Variants in INSL6 observed in about 807,000 individuals in gnomAD.
The protein encoded by INSL6 is insulin-like peptide INSL6.
A neutral mutation model predicts 9.4 loss-of-function variants in INSL6; 16 were observed. The ratio of observed to expected loss-of-function variants is 1.70; its 90% CI spans 1.15 to 2.59. The LOEUF is 2.59. Among genes scored for constraint, INSL6 ranks in the 30% most tolerant of loss-of-function variants. The pLI is 0.00. For missense variants in INSL6, 391 were observed against 257.3 expected (o/e 1.52, Z -3.56); for synonymous variants, 154 against 96.9 (o/e 1.59, Z -3.46).
At chr9:5,079,841 G>T in the INSL6 span, among the ~76,000 whole-genome samples, 7 of 149,998 alleles carry the variant, frequency 4.7e-5, no homozygotes, top group African/African-American at 7.4e-5. Context: ...TTTTTTTTTT[G>T]AAGGTAAAAC....
chr9:5,096,369 G>A, the INSL6 span, among the ~76,000 whole-genome samples: 1 of 152,146 alleles, frequency 6.6e-6, no homozygotes, highest in Non-Finnish European at 1.5e-5. Flanking sequence ...TTCTGCATCA[G>A]TTGAACGCAA....
downstream of INSL6, chr9:5,122,955 G>C: frequency 8.7e-7 from 1 of 1,154,494 alleles, no homozygotes. Context: ...AAAATCAAGA[G>C]TCCACATATC....
At chr9:5,157,382 T>C (rs1375916934) in intron 2 of INSL6, among the ~76,000 whole-genome samples, 1 of 152,158 alleles carries the variant, frequency 6.6e-6, no homozygotes, top group Non-Finnish European at 1.5e-5. Flanking sequence ...GAAAGTATGG[T>C]ATTGGCATAA....
At chr9:5,017,204 A>T in the INSL6 span, among the ~76,000 whole-genome samples, 1 of 152,218 alleles carries the variant, frequency 6.6e-6, no homozygotes, top group Non-Finnish European at 1.5e-5. Context: ...AGTGAGGGCA[A>T]CATATTTTTT....
At chr9:5,018,423 C>T in the INSL6 span, among the ~76,000 whole-genome samples, 1 of 152,126 alleles carries the variant, frequency 6.6e-6, no homozygotes, top group Non-Finnish European at 1.5e-5. Context: ...GCAGCCTCGA[C>T]CTCCATGGTC....
chr9:5,078,632 A>T, the INSL6 span, among the ~76,000 whole-genome samples: 1 of 152,208 alleles, frequency 6.6e-6, no homozygotes, highest in African/African-American at 2.4e-5. Context: ...TTATAAGCAT[A>T]TAACCATGGA....
At chr9:5,123,165 T>C (rs752415999), downstream of INSL6, 4 of 1,328,882 alleles carry the variant, frequency 3.0e-6, no homozygotes, top group African/African-American at 2.9e-5. Context: ...GTTTGTTCGT[T>C]TGATTTTTAT....
the INSL6 span, among the ~76,000 whole-genome samples, chr9:5,064,525 C>CAA: frequency 7.1e-5 from 6 of 84,708 alleles, no homozygotes; most frequent in Admixed American, 2.5e-4. Context: ...GCAAGACTCT[C>CAA]AAAAAAAAAA....
intron 2 of INSL6, among the ~76,000 whole-genome samples, chr9:5,135,531 A>G (rs770075307): frequency 1.3e-5 from 2 of 152,230 alleles, no homozygotes; most frequent in African/African-American, 2.4e-5. Flanking sequence ...ACTGGGGTAA[A>G]TAACAAAATG....
chr9:5,126,303 C>A, intron 3 of INSL6: 3 of 1,477,996 alleles, frequency 2.0e-6, no homozygotes, highest in South Asian at 1.2e-5. Flanking sequence ...ATTAAATGTA[C>A]AAAAAATATT....
chr9:5,152,426 A>G (rs1205988189), intron 2 of INSL6, among the ~76,000 whole-genome samples: 1 of 152,252 alleles, frequency 6.6e-6, no homozygotes. Context: ...CTGAAACATT[A>G]GCAATTTTAA....
chr9:5,056,329 G>A, the INSL6 span, among the ~76,000 whole-genome samples: 1 of 151,948 alleles, frequency 6.6e-6, no homozygotes, highest in Non-Finnish European at 1.5e-5. Flanking sequence ...TAGGAGAAAT[G>A]AATTATTTTA....
chr9:5,043,247 A>T, the INSL6 span, among the ~76,000 whole-genome samples: 11 of 152,120 alleles, frequency 7.2e-5, no homozygotes, highest in Non-Finnish European at 1.5e-4. Context: ...TTGCTTTACC[A>T]AGTGTACGGA....
chr9:4,994,019 G>C, the INSL6 span, among the ~76,000 whole-genome samples: 6 of 152,208 alleles, frequency 3.9e-5, no homozygotes, highest in Non-Finnish European at 5.9e-5. Context: ...CTTGTGCCTT[G>C]AGTTGCTAGG....
intron 2 of INSL6, among the ~76,000 whole-genome samples, chr9:5,158,858 TA>T (rs1241699904): frequency 6.6e-6 from 1 of 152,038 alleles, no homozygotes; most frequent in East Asian, 1.9e-4. Flanking sequence ...TAAAATATTA[TA>T]ACTGTTACTA....
the INSL6 span, among the ~76,000 whole-genome samples, chr9:5,095,525 C>T: frequency 2.6e-5 from 4 of 152,100 alleles, no homozygotes; most frequent in Non-Finnish European, 5.9e-5. Flanking sequence ...ATAATAACAG[C>T]CCTAGTAATA....
the INSL6 span, among the ~76,000 whole-genome samples, chr9:5,063,898 G>A: frequency 2.0e-5 from 3 of 152,166 alleles, no homozygotes; most frequent in Non-Finnish European, 4.4e-5. Flanking sequence ...TGACTCACGC[G>A]TGTAATCCCA....
At chr9:5,067,717 T>C in the INSL6 span, among the ~76,000 whole-genome samples, 1 of 152,132 alleles carries the variant, frequency 6.6e-6, no homozygotes, top group Non-Finnish European at 1.5e-5. Flanking sequence ...CTATGTATTA[T>C]AGAGTTTATG....
At chr9:5,150,594 G>A (rs1441088995) in intron 2 of INSL6, among the ~76,000 whole-genome samples, 1 of 152,006 alleles carries the variant, frequency 6.6e-6, no homozygotes, top group East Asian at 1.9e-4. Context: ...ACGAGGATGT[G>A]GAGAAAAGAG....
Sources: allele counts gnomAD v4.1 joint callset (sites outside exome capture counted in the v4.1 genomes callset), GRCh38; gene constraint gnomAD v4.1.1; transcripts MANE v1.5; gene names NCBI Gene and HGNC (gene_info 2026-07-23, HGNC 2026-07-21).